Variants in SYNPR observed in about 807,000 individuals in gnomAD.
The protein encoded by SYNPR is synaptoporin.
Under a neutral mutation model 32.9 loss-of-function variants are expected in SYNPR, and 23 were observed. The observed-to-expected ratio is 0.70, with a 90% CI of 0.50 to 0.99. SYNPR has a LOEUF of 0.99. Ranked by LOEUF, SYNPR falls within the 50% of genes least tolerant of loss-of-function variation. The pLI, the probability that SYNPR is intolerant of heterozygous loss-of-function variation, is 0.00. For missense variants in SYNPR, 318 were observed against 349.3 expected, an observed-to-expected ratio of 0.91 and a Z score of 0.71; for synonymous variants, 146 against 135.9, an observed-to-expected ratio of 1.07 and a Z score of -0.52.
chr3:63,521,565 G>A (rs1030457827), intron 3 of SYNPR, among the ~76,000 whole-genome samples: 1 of 152,184 alleles, frequency 6.6e-6, no homozygotes, highest in East Asian at 1.9e-4. Flanking sequence ...TACACCAATA[G>A]GGAAGGGTAC....
chr3:63,344,630 T>G (rs944052254), intron 2 of SYNPR, among the ~76,000 whole-genome samples: 1 of 147,608 alleles, frequency 6.8e-6, no homozygotes, highest in Non-Finnish European at 1.5e-5. Flanking sequence ...TGCAATAACC[T>G]GGGATTTGTG....
intron 2 of SYNPR, among the ~76,000 whole-genome samples, chr3:63,439,135 GA>G (rs1169450379): frequency 6.6e-6 from 1 of 151,312 alleles, no homozygotes; most frequent in Non-Finnish European, 1.5e-5. Context: ...CCATTCAGAG[GA>G]AAAAAAAATT....
chr3:63,547,815 A>C (rs1242834079), intron 3 of SYNPR, among the ~76,000 whole-genome samples: 2 of 152,146 alleles, frequency 1.3e-5, no homozygotes, highest in Non-Finnish European at 2.9e-5. Flanking sequence ...CTACTTCAAA[A>C]AGTCTCCTTG....
chr3:63,276,265 T>C (rs1441625337), upstream of SYNPR, among the ~76,000 whole-genome samples: 1 of 152,216 alleles, frequency 6.6e-6, no homozygotes, highest in African/African-American at 2.4e-5. Flanking sequence ...TGGCTACTGC[T>C]GGGTCCAAAA....
chr3:63,330,761 G>A (rs1485976336), intron 2 of SYNPR, among the ~76,000 whole-genome samples: 1 of 152,102 alleles, frequency 6.6e-6, no homozygotes, highest in Non-Finnish European at 1.5e-5. Context: ...AGATAAGAAA[G>A]TTGAGGTCCA....
chr3:63,443,984 A>T (rs1468541921), intron 2 of SYNPR, among the ~76,000 whole-genome samples: 2 of 152,210 alleles, frequency 1.3e-5, no homozygotes, highest in Non-Finnish European at 2.9e-5. Context: ...AGTTTCCCCT[A>T]CGATTGGATG....
Position 63,350,519 on chromosome 3 carries a change from G to T in SYNPR, c.84+71777G>T, listed in dbSNP as rs181070721. On this transcript the variant is annotated intron_variant, in intron 2 of 5. Coordinates refer to ENST00000478300, the MANE Select transcript of SYNPR (RefSeq NM_001130003.2). ...TGTGTGTGTATGCCTGTGTATGTGT[G>T]TGTAGTGTGTGTGTGCGTGCATATG... Among the ~76,000 whole-genome samples the T allele has an allele frequency of 4.0e-3, 602 of 152,340 alleles. 2 individuals carry two copies. The Middle Eastern group carries it at 0.041, about 10-fold the overall frequency.
chr3:63,220,415 G>C, the SYNPR span, among the ~76,000 whole-genome samples: 2 of 152,126 alleles, frequency 1.3e-5, no homozygotes, highest in Non-Finnish European at 2.9e-5. Flanking sequence ...GGCTGTCCTT[G>C]AAGTCTTCCC....
At chr3:63,280,473 A>G (rs2106917652) in intron 2 of SYNPR, among the ~76,000 whole-genome samples, 1 of 151,826 alleles carries the variant, frequency 6.6e-6, no homozygotes, top group South Asian at 2.1e-4. Context: ...TGCCCTTGCT[A>G]TTTCTATTCA....
intron 2 of SYNPR, among the ~76,000 whole-genome samples, chr3:63,374,942 T>C (rs2087868356): frequency 6.6e-6 from 1 of 152,336 alleles, no homozygotes; most frequent in South Asian, 2.1e-4. Flanking sequence ...CATTGGCCTA[T>C]ATATCTGTTT....
At chr3:63,542,081 A>G (rs1702314421) in intron 3 of SYNPR, among the ~76,000 whole-genome samples, 1 of 152,154 alleles carries the variant, frequency 6.6e-6, no homozygotes, top group Non-Finnish European at 1.5e-5. Context: ...AAGTCAACTG[A>G]ATCAATAAAA....
At chr3:63,279,224 C>A (rs571518246) in intron 2 of SYNPR, among the ~76,000 whole-genome samples, 1 of 152,130 alleles carries the variant, frequency 6.6e-6, no homozygotes, top group South Asian at 2.1e-4. Flanking sequence ...ATGCTGGAAG[C>A]GCGTGTTCAA....
At chr3:63,293,084 T>C (rs1356863920) in intron 2 of SYNPR, among the ~76,000 whole-genome samples, 1 of 152,232 alleles carries the variant, frequency 6.6e-6, no homozygotes, top group Non-Finnish European at 1.5e-5. Context: ...AGAAATTCAC[T>C]ACAATGGCTA....
intron 2 of SYNPR, among the ~76,000 whole-genome samples, chr3:63,479,513 T>C (rs1455848714): frequency 2.0e-5 from 3 of 152,116 alleles, no homozygotes; most frequent in Non-Finnish European, 4.4e-5. Context: ...GGTTTCACAA[T>C]GCCTTGTTAT....
intron 2 of SYNPR, among the ~76,000 whole-genome samples, chr3:63,283,883 A>G (rs1202825110): frequency 6.9e-6 from 1 of 144,446 alleles, no homozygotes; most frequent in Non-Finnish European, 1.5e-5. Context: ...AATGGCGCCA[A>G]CTCAGCTCAC....
intron 4 of SYNPR, among the ~76,000 whole-genome samples, chr3:63,601,583 G>A (rs1249236943): frequency 6.6e-6 from 1 of 152,090 alleles, no homozygotes; most frequent in African/African-American, 2.4e-5. Context: ...CCACTTTTAA[G>A]TGAGAACATG....
chr3:63,577,641 G>C (rs1369875048), intron 4 of SYNPR, among the ~76,000 whole-genome samples: 3 of 152,120 alleles, frequency 2.0e-5, no homozygotes, highest in Non-Finnish European at 4.4e-5. Flanking sequence ...ATGTGTGAGT[G>C]GGGGTATGTG....
intron 4 of SYNPR, among the ~76,000 whole-genome samples, chr3:63,561,941 T>G (rs905572163): frequency 9.9e-5 from 15 of 152,264 alleles, no homozygotes; most frequent in East Asian, 3.9e-4. Flanking sequence ...TCTGAATGCC[T>G]TTAGAAGTAA....
At chr3:63,446,085 A>G (rs1027648261) in intron 2 of SYNPR, among the ~76,000 whole-genome samples, 7 of 152,192 alleles carry the variant, frequency 4.6e-5, no homozygotes, top group African/African-American at 1.4e-4. Context: ...CTTTTAATTG[A>G]TCAAAGTAAA....
Sources: allele counts gnomAD v4.1 joint callset (sites outside exome capture counted in the v4.1 genomes callset), GRCh38; gene constraint gnomAD v4.1.1; transcripts MANE v1.5; gene names NCBI Gene and HGNC (gene_info 2026-07-23, HGNC 2026-07-21).